The following RASSF1 variants were observed in gnomAD, a reference collection of about 807,000 sequenced individuals.
The protein encoded by RASSF1 is Ras association domain family member 1.
Under a neutral mutation model 34.3 loss-of-function variants are expected in RASSF1, and 33 were observed. That is an observed-to-expected ratio of 0.96 (90% CI 0.73 to 1.29). The LOEUF is 1.29. Among genes scored for constraint, RASSF1 ranks in the 50% most tolerant of loss-of-function variants. RASSF1 has a pLI of 0.00. For synonymous variants in RASSF1, 191 were observed against 195.0 expected (o/e 0.98, Z 0.17); for missense variants, 445 against 471.8 (o/e 0.94, Z 0.53).
intron 2 of RASSF1, chr3:50,337,270 G>A (rs1703175883): frequency 1.2e-6 from 2 of 1,613,150 alleles, no homozygotes; most frequent in Non-Finnish European, 1.7e-6. Flanking sequence ...GCCACTGCTC[G>A]TCGTGCTGCT....
Position 50,340,541 on chromosome 3 carries a change from G to C in RASSF1, c.250+15C>G. On this transcript the variant is annotated intron_variant, in intron 1 of 5. Coordinates refer to ENST00000359365, the MANE Select transcript of RASSF1 (RefSeq NM_007182.5). ...GCCCCTTCCGCTCTCGTAGGCGCGC[G>C]GGGCCACTACTCACGCGCGCACTGC... The C allele has an allele frequency of 2.0e-6, 3 of 1,478,376 alleles. No homozygotes were observed. The highest frequency in any genetic ancestry group is 2.7e-6 in the Non-Finnish European group (3 of 1,123,136). The allele number at this position is 1,478,376 out of a possible 1,614,324, so 91.6% of individuals were successfully genotyped here.
chr3:50,335,510 G>T (rs971951659), intron 2 of RASSF1, among the ~76,000 whole-genome samples: 17 of 151,990 alleles, frequency 1.1e-4, no homozygotes, highest in Admixed American at 7.2e-4. Flanking sequence ...GTACAGACGG[G>T]GTTTTGCTAT....
At chr3:50,340,207 G>A (rs1054275323) in intron 1 of RASSF1, among the ~76,000 whole-genome samples, 4 of 152,200 alleles carry the variant, frequency 2.6e-5, no homozygotes, top group African/African-American at 9.7e-5. Flanking sequence ...GGTTCTGGAG[G>A]GGGTCATGAG....
chr3:50,337,088 G>A (rs1222226942), intron 2 of RASSF1: 63 of 1,439,120 alleles, frequency 4.4e-5, no homozygotes, highest in Non-Finnish European at 5.7e-5. Flanking sequence ...GCTGCCCACC[G>A]ACCCAGGACG....
intron 2 of RASSF1, chr3:50,336,970 G>A (rs1246939984): frequency 2.8e-6 from 2 of 725,480 alleles, no homozygotes; most frequent in Middle Eastern, 4.0e-4. Context: ...GAAACCAAGG[G>A]GGCCCCGGCA....
At chr3:50,336,797 C>T in intron 2 of RASSF1, 1 of 231,586 alleles carries the variant, frequency 4.3e-6, no homozygotes, top group Non-Finnish European at 8.5e-6. Context: ...CTCTCCACAT[C>T]CTCCCCTAGT....
chr3:50,337,340 C>A (rs1317555642), intron 2 of RASSF1: 5 of 1,607,622 alleles, frequency 3.1e-6, no homozygotes, highest in East Asian at 4.5e-5. Flanking sequence ...GCCCGTCCCC[C>A]AGTCCTGCGC....
At chr3:50,332,960 G>A (rs587631288) in intron 2 of RASSF1, among the ~76,000 whole-genome samples, 1 of 152,288 alleles carries the variant, frequency 6.6e-6, no homozygotes, top group South Asian at 2.1e-4. Flanking sequence ...CAGGCGTGGT[G>A]GCACATGCCT....
chr3:50,337,845 T>C, intron 2 of RASSF1, 60 bp downstream of exon 2: 2 of 1,440,624 alleles, frequency 1.4e-6, no homozygotes, highest in East Asian at 4.6e-5. Context: ...CCCTCGAGAA[T>C]GCCTGCACTG....
Position 50,330,653 on chromosome 3 carries a change from G to T in RASSF1, c.951C>A (p.Arg317=). The change falls in exon 6 of 6, where the codon CGC becomes CGA. Residue 317 remains arginine, a synonymous_variant. Coordinates refer to ENST00000359365, the MANE Select transcript of RASSF1 (RefSeq NM_007182.5). The surrounding 1 kb of genome is among the most constrained non-coding windows in gnomAD (Gnocchi z 4.5). ...AATAGGAGTACTTCTGCAGGATCTGGCGGAGGTGCTCCTCCTCCTCCCGCT... is the reference window on the plus strand; with the variant it reads ...AATAGGAGTACTTCTGCAGGATCTGTCGGAGGTGCTCCTCCTCCTCCCGCT... ...ILQREEEEHL[R]QILQKYSYCR... is the part of the protein sequence containing the mutation. The T allele has an allele frequency of 6.2e-7, 1 of 1,614,142 alleles. No homozygotes were observed. Among genetic ancestry groups the T allele is most frequent in the Non-Finnish European group, 8.5e-7 (1 of 1,180,024 alleles).
intron 1 of RASSF1, among the ~76,000 whole-genome samples, chr3:50,340,336 T>C (rs1703316994): frequency 3.3e-5 from 5 of 152,214 alleles, no homozygotes; most frequent in Admixed American, 2.6e-4. Flanking sequence ...TATTTTTACA[T>C]ATAAGCAGCC....
At chr3:50,337,621 G>T in intron 2 of RASSF1, 1 of 1,098,422 alleles carries the variant, frequency 9.1e-7, no homozygotes. Context: ...AAGCGCACAA[G>T]AGTGGCCTCT....
intron 2 of RASSF1, among the ~76,000 whole-genome samples, chr3:50,333,965 T>A (rs1489393362): frequency 6.6e-6 from 1 of 152,110 alleles, no homozygotes; most frequent in Non-Finnish European, 1.5e-5. Context: ...AGAATGCGAG[T>A]GTCACAGACA....
intron 2 of RASSF1, chr3:50,337,454 A>G (rs1703192964): frequency 6.4e-7 from 1 of 1,571,242 alleles, no homozygotes; most frequent in South Asian, 1.1e-5. Flanking sequence ...TAAGACTGAA[A>G]CGTAGATCGC....
rs1351267729 is a variant in RASSF1 at position 50,340,631 on chromosome 3, GC to G, written c.174del (p.Ala60ProfsTer93). The G allele has an allele frequency of 1.3e-6, 2 of 1,526,572 alleles. No homozygotes were observed. Among genetic ancestry groups the G allele is most frequent in the Non-Finnish European group, 1.7e-6 (2 of 1,146,976 alleles). The allele number at this position is 1,526,572 out of a possible 1,614,324, so 94.6% of individuals were successfully genotyped here. A position where few individuals can be genotyped will look rare whatever the true frequency, so the allele number is the denominator to read the frequency against. On this transcript the variant is annotated frameshift_variant, in exon 1 of 6. Coordinates refer to ENST00000359365, the MANE Select transcript of RASSF1 (RefSeq NM_007182.5). LOFTEE classifies it high-confidence loss of function. ...AGGTCGCACCACGTGTGCGTGGCGGGCCCCGCGGGCTGGAAGCGGTGGCCAC... is the reference window on the plus strand; with the variant it reads ...AGGTCGCACCACGTGTGCGTGGCGGGCCCGCGGGCTGGAAGCGGTGGCCAC... Reference protein sequence around the residue: ...PGRGHRFQPAGPATHTWCDLC... With the variant: ...PGRGHRFQPAXPATHTWCDLC...
At chr3:50,335,712 T>A (rs1346352809) in intron 2 of RASSF1, among the ~76,000 whole-genome samples, 3 of 151,476 alleles carry the variant, frequency 2.0e-5, no homozygotes, top group African/African-American at 7.3e-5. Flanking sequence ...GCCTCCCGGT[T>A]GAAGTGATTC....
chr3:50,340,093 G>A (rs1486132583), intron 1 of RASSF1, among the ~76,000 whole-genome samples: 1 of 152,132 alleles, frequency 6.6e-6, no homozygotes, highest in Non-Finnish European at 1.5e-5. Flanking sequence ...AAGGGTGTTT[G>A]CTAAATAAAG....
At chr3:50,336,949 T>G in intron 2 of RASSF1, 1 of 604,576 alleles carries the variant, frequency 1.7e-6, no homozygotes, top group South Asian at 2.0e-5. Flanking sequence ...GTGTTCAACC[T>G]GTCTGTGACA....
rs587644426 is a variant in RASSF1, at chr3:50,339,337, C to A, written c.250+1219G>T. 2.6e-5 allele frequency among the ~76,000 whole-genome samples: 4 copies of A among 151,274 alleles called. No individual in the cohort carries two copies. In the South Asian group the frequency reaches 6.3e-4, roughly 24 times the overall value. On this transcript the variant is annotated intron_variant, in intron 1 of 5. Coordinates refer to ENST00000359365, the MANE Select transcript of RASSF1 (RefSeq NM_007182.5). ...TGGCTACTTTATTTCTCTTTGAGAA[C>A]GCTGCAATGTCCCAGCCTTGTTCTT...
Sources: gnomAD v4.1 joint callset for allele counts (sites outside exome capture counted in the v4.1 genomes callset) on GRCh38, gnomAD v4.1.1 for gene constraint, Gnocchi (gnomAD v3.1) non-coding constraint, MANE v1.5 for transcripts, NCBI Gene and HGNC (gene_info 2026-07-23, HGNC 2026-07-21) for gene names.